CTNNA3: variants seen among roughly 807,000 people sequenced by gnomAD.
CTNNA3 encodes catenin alpha 3.
CTNNA3 carries 76 observed loss-of-function variants against 95.7 expected under a neutral mutation model. The observed-to-expected ratio is 0.79, with a 90% CI of 0.66 to 0.96. The LOEUF (loss-of-function observed/expected upper bound fraction) is 0.96. Ranked by LOEUF, CTNNA3 falls within the 40% of genes least tolerant of loss-of-function variation. The pLI, the probability that CTNNA3 is intolerant of heterozygous loss-of-function variation, is 0.00. For missense variants in CTNNA3, 1,191 were observed against 1,089.8 expected (o/e 1.09, Z -1.31); for synonymous variants, 431 against 374.4 (o/e 1.15, Z -1.74).
intron 14 of CTNNA3, among the ~76,000 whole-genome samples, chr10:66,071,325 C>T (rs2080429372): frequency 2.9e-5 from 1 of 34,460 alleles, no homozygotes; most frequent in African/African-American, 9.0e-5. Flanking sequence ...TCAATCACTG[C>T]CATCTGAATA....
rs983576622 is a variant in CTNNA3 at position 66,785,612 on chromosome 10, T to A, written c.1048-10088A>T. On this transcript the variant is annotated intron_variant, in intron 7 of 17. Transcript: ENST00000433211. ...TAAGCCTTTGGCCTTGGACTGGGAG[T>A]TACACCATTGGCTCCCCTGGTTCTC... 2.6e-5 allele frequency among the ~76,000 whole-genome samples: 4 copies of A among 152,008 alleles called. No individual in the cohort carries two copies. The East Asian group carries it at 5.8e-4, about 22-fold the overall frequency.
chr10:66,269,141 C>T (rs2091222816), intron 13 of CTNNA3, among the ~76,000 whole-genome samples: 1 of 152,164 alleles, frequency 6.6e-6, no homozygotes, highest in Non-Finnish European at 1.5e-5. Flanking sequence ...CTCTGATGAA[C>T]CATCCTTACG....
At chr10:66,509,835 A>G (rs1169595443) in intron 11 of CTNNA3, among the ~76,000 whole-genome samples, 1 of 151,878 alleles carries the variant, frequency 6.6e-6, no homozygotes, top group East Asian at 1.9e-4. Flanking sequence ...TATATTTTGT[A>G]CTATCGCCAG....
Position 65,998,900 on chromosome 10 carries a change from T to C in CTNNA3, c.2160-10103A>G, listed in dbSNP as rs200825701. ...ACCTGAAAACCTGAACCTAAAATAC[T>C]TGTGCCCTGTAAGCCAAGAAAGGCC... On this transcript the variant is annotated intron_variant, in intron 15 of 17. Coordinates refer to ENST00000433211, the MANE Select transcript of CTNNA3 (RefSeq NM_013266.4). Among the ~76,000 whole-genome samples, 14 of 152,266 alleles carry C rather than the reference T, an allele frequency of 9.2e-5. No individual in the cohort carries two copies. In the East Asian group the frequency reaches 1.9e-3, roughly 21 times the overall value.
intron 9 of CTNNA3, among the ~76,000 whole-genome samples, chr10:66,730,977 T>C (rs934820764): frequency 6.6e-6 from 1 of 152,228 alleles, no homozygotes; most frequent in Non-Finnish European, 1.5e-5. Context: ...TTTAAGGTAA[T>C]ATTTTATAAA....
intron 5 of CTNNA3, among the ~76,000 whole-genome samples, chr10:67,516,651 C>T (rs1041091693): frequency 4.6e-5 from 7 of 152,092 alleles, no homozygotes; most frequent in African/African-American, 1.7e-4. Flanking sequence ...GTAATGACTA[C>T]CACCATTAAA....
At chr10:66,330,242 C>T (rs777878437) in intron 12 of CTNNA3, among the ~76,000 whole-genome samples, 16 of 151,434 alleles carry the variant, frequency 1.1e-4, no homozygotes, top group Non-Finnish European at 2.1e-4. Context: ...ACAACAGGCC[C>T]CGGTGTGTGA....
chr10:65,938,362 T>C (rs2077375524), intron 17 of CTNNA3, among the ~76,000 whole-genome samples: 2 of 152,080 alleles, frequency 1.3e-5, no homozygotes, highest in Admixed American at 6.5e-5. Flanking sequence ...TTATTTCTGC[T>C]CTCCTTAGCA....
At position 66,225,057 on chromosome 10, in the gene CTNNA3, C is replaced by T. The variant is rs1420036889; in HGVS notation, c.1884+55413G>A. Among the ~76,000 whole-genome samples the T allele has an allele frequency of 3.3e-5, 5 of 151,954 alleles. No homozygotes were observed. The South Asian group carries it at 8.3e-4, about 25-fold the overall frequency. ...GCGCTAGGAACATTTAAAATCCTTT[C>T]TTCTAGCTATTTGAAAATATACATT... On this transcript the variant is annotated intron_variant, in intron 13 of 17. Transcript: ENST00000433211.
chr10:67,563,225 C>CTATA (rs1841605153), intron 3 of CTNNA3, among the ~76,000 whole-genome samples: 1 of 152,150 alleles, frequency 6.6e-6, no homozygotes, highest in Non-Finnish European at 1.5e-5. Flanking sequence ...CATCACACTA[C>CTATA]CTGACTTCAA....
intron 10 of CTNNA3, among the ~76,000 whole-genome samples, chr10:66,614,184 T>C: frequency 6.6e-6 from 1 of 152,090 alleles, no homozygotes; most frequent in Non-Finnish European, 1.5e-5. Context: ...TGACTTGTAC[T>C]TCAACAGACA....
intron 7 of CTNNA3, among the ~76,000 whole-genome samples, chr10:66,857,033 T>C (rs770929205): frequency 3.7e-4 from 57 of 152,100 alleles, no homozygotes; most frequent in Non-Finnish European, 1.5e-4. Context: ...GTTTTTGTAG[T>C]TTTAAGTTTT....
intron 10 of CTNNA3, among the ~76,000 whole-genome samples, chr10:66,535,116 C>T (rs74141592): frequency 0.015 from 2,321 of 151,954 alleles, 59 homozygotes; most frequent in African/African-American, 0.053. Context: ...AACCTATGGC[C>T]TACATTCAGT....
chr10:66,535,124 AG>A (rs961652062), intron 10 of CTNNA3, among the ~76,000 whole-genome samples: 6 of 152,124 alleles, frequency 3.9e-5, no homozygotes, highest in Non-Finnish European at 8.8e-5. Flanking sequence ...GCCTACATTC[AG>A]TCAGACTCAC....
Position 66,225,470 on chromosome 10 carries a change from A to G in CTNNA3, c.1884+55000T>C, listed in dbSNP as rs2089236120. 2.0e-5 allele frequency among the ~76,000 whole-genome samples: 3 copies of G among 147,704 alleles called. No homozygotes were observed. The Admixed American group carries it at 2.0e-4, about 10-fold the overall frequency. ...TATATATACTATATTATCTTTATCCATTAATCTGGTGATAAGCAATTAGGC... is the reference window on the plus strand; with the variant it reads ...TATATATACTATATTATCTTTATCCGTTAATCTGGTGATAAGCAATTAGGC... On this transcript the variant is annotated intron_variant, in intron 13 of 17. Coordinates refer to ENST00000433211, the MANE Select transcript of CTNNA3 (RefSeq NM_013266.4).
At chr10:66,360,850 TTTCTTTC>T (rs1354767847) in intron 12 of CTNNA3, among the ~76,000 whole-genome samples, 32 of 138,860 alleles carry the variant, frequency 2.3e-4, no homozygotes, top group South Asian at 2.1e-3. Context: ...TCTTTCTTTC[TTTCTTTC>T]CTTTCTCTTT....
intron 5 of CTNNA3, among the ~76,000 whole-genome samples, chr10:67,329,459 T>G (rs964459474): frequency 6.6e-6 from 1 of 151,878 alleles, no homozygotes; most frequent in African/African-American, 2.4e-5. Flanking sequence ...GGCAAGGGAG[T>G]TTTACCTTGA....
At position 66,766,438 on chromosome 10, in the gene CTNNA3, A is replaced by G. The variant is rs114436702; in HGVS notation, c.1129-22T>C. ...GGAGCTGAGAAGAAATGAAAAATTC[A>G]GGTTTTTTTTTTCCAGGAAATAGTT... On this transcript the variant is annotated intron_variant, in intron 8 of 17. Transcript: ENST00000433211. 1,352 of 1,577,634 alleles carry G rather than the reference A, an allele frequency of 8.6e-4. 12 individuals carry two copies. In the African/African-American group the frequency reaches 0.017, roughly 20 times the overall value.
At chr10:66,253,322 T>G (rs1297932424) in intron 13 of CTNNA3, among the ~76,000 whole-genome samples, 3 of 152,024 alleles carry the variant, frequency 2.0e-5, no homozygotes, top group Non-Finnish European at 4.4e-5. Context: ...ACAATACATC[T>G]CTTCAAAAGG....
Sources: gnomAD v4.1 joint callset for allele counts (sites outside exome capture counted in the v4.1 genomes callset) on GRCh38, gnomAD v4.1.1 for gene constraint, MANE v1.5 for transcripts, NCBI Gene and HGNC (gene_info 2026-07-23, HGNC 2026-07-21) for gene names.